Variants in TOX observed in about 807,000 individuals in gnomAD.
TOX encodes thymocyte selection associated high mobility group box.
TOX carries 11 observed loss-of-function variants against 53.7 expected under a neutral mutation model. That is an observed-to-expected ratio of 0.20 (90% CI 0.13 to 0.34). The LOEUF (loss-of-function observed/expected upper bound fraction) is 0.34, where lower values mean the gene tolerates loss of function less well. Ranked by LOEUF, TOX falls within the 10% of genes least tolerant of loss-of-function variation. The probability of loss-of-function intolerance (pLI) is 1.00; values close to 1 mark genes in which losing one functional copy is unlikely to be tolerated. For synonymous variants in TOX, 225 were observed against 245.3 expected, an observed-to-expected ratio of 0.92 and a Z score of 0.77; for missense variants, 570 against 664.6, an observed-to-expected ratio of 0.86 and a Z score of 1.56.
In TOX at chr8:59,092,482, C is replaced by T. The variant is rs191659592; in HGVS notation, c.102+26404G>A. ...TGTCCTCATAAATGCATTCACTGTA[C>T]GGAAGCCAGAGTAATCTCTCTAAAA... On this transcript the variant is annotated intron_variant, in intron 1 of 8. Coordinates refer to ENST00000361421, the MANE Select transcript of TOX (RefSeq NM_014729.3). 3.3e-3 allele frequency among the ~76,000 whole-genome samples: 491 copies of T among 150,414 alleles called. 4 individuals carry two copies. The highest frequency in any genetic ancestry group is 6.0e-3 in the Non-Finnish European group (404 of 67,836).
rs558755285 is a variant in TOX at position 58,908,680 on chromosome 8, C to T, written c.411+30622G>A. Among the ~76,000 whole-genome samples the T allele has an allele frequency of 3.6e-4, 55 of 152,264 alleles. No individual in the cohort carries two copies. In the Middle Eastern group the frequency reaches 0.017, roughly 47 times the overall value. Reference sequence around the variant, plus strand: ...CCTTATCTGATATTAAAGGCAAGGACCATTGAGTATTTATTCATTGATTAT... The same window carrying T: ...CCTTATCTGATATTAAAGGCAAGGATCATTGAGTATTTATTCATTGATTAT... On this transcript the variant is annotated intron_variant, in intron 3 of 8. Coordinates refer to ENST00000361421, the MANE Select transcript of TOX (RefSeq NM_014729.3).
At chr8:58,931,819 G>C (rs1812259420) in intron 3 of TOX, among the ~76,000 whole-genome samples, 1 of 152,116 alleles carries the variant, frequency 6.6e-6, no homozygotes, top group Admixed American at 6.6e-5. Context: ...GCACACATTT[G>C]TATGAACTCA....
intron 1 of TOX, among the ~76,000 whole-genome samples, chr8:59,107,046 T>TGCGGG (rs35882293): frequency 0.016 from 907 of 57,872 alleles, 45 homozygotes; most frequent in East Asian, 0.055. Flanking sequence ...AGCAGTTTGC[T>TGCGGG]GGGGGGGGGG....
intron 1 of TOX, among the ~76,000 whole-genome samples, chr8:58,981,544 T>A (rs899043053): frequency 5.3e-5 from 8 of 152,202 alleles, no homozygotes; most frequent in Admixed American, 2.0e-4. Flanking sequence ...AATTCCACTA[T>A]ACAATAATGT....
chr8:59,010,586 A>G (rs1813886110), intron 1 of TOX, among the ~76,000 whole-genome samples: 1 of 152,204 alleles, frequency 6.6e-6, no homozygotes, highest in African/African-American at 2.4e-5. Context: ...TCACCTGATC[A>G]TTGTATGAGA....
At chr8:59,068,054 A>G (rs546619620) in intron 1 of TOX, among the ~76,000 whole-genome samples, 2 of 152,308 alleles carry the variant, frequency 1.3e-5, no homozygotes, top group South Asian at 4.1e-4. Context: ...TTTGTGTATA[A>G]CCATGCCTGT....
chr8:59,026,974 G>A (rs1204292752), intron 1 of TOX, among the ~76,000 whole-genome samples: 2 of 151,992 alleles, frequency 1.3e-5, no homozygotes, highest in African/African-American at 4.8e-5. Context: ...ATGGAGAAGG[G>A]GGAGTGAAGA....
At chr8:58,978,273 T>G (rs2129416620) in intron 1 of TOX, among the ~76,000 whole-genome samples, 1 of 151,606 alleles carries the variant, frequency 6.6e-6, no homozygotes, top group Admixed American at 6.6e-5. Context: ...GAAACGGGAG[T>G]CTAGAGCCAC....
chr8:59,034,609 A>G (rs1814420737), intron 1 of TOX, among the ~76,000 whole-genome samples: 1 of 152,210 alleles, frequency 6.6e-6, no homozygotes. Flanking sequence ...GCCCTGGAAG[A>G]CAGCTGAAGA....
intron 3 of TOX, among the ~76,000 whole-genome samples, chr8:58,864,646 T>C (rs532333177): frequency 6.6e-6 from 1 of 152,304 alleles, no homozygotes; most frequent in South Asian, 2.1e-4. Context: ...AACATTTCCA[T>C]CAAAACCTTT....
At chr8:58,955,999 TG>T (rs1425231536) in intron 2 of TOX, among the ~76,000 whole-genome samples, 7 of 152,104 alleles carry the variant, frequency 4.6e-5, no homozygotes, top group Admixed American at 2.6e-4. Context: ...CCTCCCAAAG[TG>T]CTGGGATTAC....
chr8:59,053,735 T>A (rs1315945929), intron 1 of TOX, among the ~76,000 whole-genome samples: 1 of 152,200 alleles, frequency 6.6e-6, no homozygotes, highest in East Asian at 1.9e-4. Flanking sequence ...TTAGGCCCTA[T>A]CATTGGCCTT....
chr8:59,062,192 T>C (rs1803997647), intron 1 of TOX, among the ~76,000 whole-genome samples: 1 of 151,680 alleles, frequency 6.6e-6, no homozygotes, highest in Non-Finnish European at 1.5e-5. Context: ...CTAAGGGAAG[T>C]TGAGGGTGGA....
Position 59,118,807 on chromosome 8 carries a change from C to G in TOX, c.102+79G>C. 8.3e-7 allele frequency: 1 copy of G among 1,197,986 alleles called. No homozygotes were observed. The highest frequency in any genetic ancestry group is 1.2e-6 in the Non-Finnish European group (1 of 865,916). 74.2% of individuals were successfully genotyped at this position (1,197,986 alleles called of 1,614,324 possible). ...GGACCGGCCTCCGCCAAGCCGGCCC[C>G]GCCGCGGCCCGGCCACCGCCGCTCC... On this transcript the variant is annotated intron_variant, in intron 1 of 8. Transcript: ENST00000361421. This position sits in a 1 kb window ranked among gnomAD's most constrained non-coding sequence, Gnocchi z 4.1.
intron 1 of TOX, among the ~76,000 whole-genome samples, chr8:59,003,378 C>T (rs967583449): frequency 1.3e-5 from 2 of 152,120 alleles, no homozygotes; most frequent in African/African-American, 4.8e-5. Context: ...GTTTATTACA[C>T]GCTGCATCCT....
At chr8:58,865,172 T>C (rs540064450) in intron 3 of TOX, among the ~76,000 whole-genome samples, 5 of 152,130 alleles carry the variant, frequency 3.3e-5, no homozygotes, top group Admixed American at 2.6e-4. Context: ...TTCTAGGCCA[T>C]TGTAAGCTTT....
chr8:58,953,352 AAC>A (rs1812656385), intron 2 of TOX, among the ~76,000 whole-genome samples: 1 of 152,228 alleles, frequency 6.6e-6, no homozygotes, highest in East Asian at 1.9e-4. Context: ...AATGCTGAAA[AAC>A]AGACTTCCAT....
intron 1 of TOX, among the ~76,000 whole-genome samples, chr8:59,106,753 G>A (rs976600345): frequency 2.6e-5 from 4 of 152,086 alleles, no homozygotes; most frequent in African/African-American, 7.2e-5. Flanking sequence ...TCAGCGAAGC[G>A]TACCAACTAA....
intron 5 of TOX, among the ~76,000 whole-genome samples, chr8:58,829,319 G>A (rs568323784): frequency 1.3e-5 from 2 of 152,244 alleles, no homozygotes; most frequent in South Asian, 2.1e-4. Context: ...CTCCAGAATC[G>A]ATGTTGTTAC....
Sources: allele counts gnomAD v4.1 joint callset (sites outside exome capture counted in the v4.1 genomes callset), GRCh38; gene constraint gnomAD v4.1.1; non-coding constraint Gnocchi (gnomAD v3.1); transcripts MANE v1.5; gene names NCBI Gene and HGNC (gene_info 2026-07-23, HGNC 2026-07-21).